Variants in ENTPD3 observed in about 807,000 individuals in gnomAD.
ENTPD3 encodes the protein CD39 antigen-like 3.
ENTPD3 carries 60 observed loss-of-function variants against 51.2 expected under a neutral mutation model. The observed-to-expected ratio is 1.17, with a 90% CI of 0.95 to 1.45. ENTPD3 has a LOEUF of 1.45. ENTPD3 is among the 40% of genes most tolerant of loss of function. The pLI, the probability that ENTPD3 is intolerant of heterozygous loss-of-function variation, is 0.00. For synonymous variants in ENTPD3, 221 were observed against 238.4 expected (o/e 0.93, Z 0.67); for missense variants, 593 against 641.1 (o/e 0.93, Z 0.81).
At chr3:40,425,969 C>T (rs1955973911) in intron 10 of ENTPD3, among the ~76,000 whole-genome samples, 1 of 151,150 alleles carries the variant, frequency 6.6e-6, no homozygotes, top group African/African-American at 2.4e-5. Flanking sequence ...AAAAAAACTC[C>T]ATTCATATGA....
chr3:40,394,048 CAAAAAAAAAAAAAAAAA>C (rs559701033), intron 3 of ENTPD3, among the ~76,000 whole-genome samples: 1 of 64,416 alleles, frequency 1.6e-5, no homozygotes, highest in South Asian at 1.0e-3. Context: ...GACTCTGTCT[CAAAAAAAAAAAAAAAAA>C]AAAAAAAAAG....
chr3:40,412,471 T>C (rs904372990), intron 5 of ENTPD3, among the ~76,000 whole-genome samples: 9 of 152,232 alleles, frequency 5.9e-5, no homozygotes, highest in African/African-American at 2.2e-4. Flanking sequence ...ATTAGTTCCT[T>C]CTAAATTTGT....
chr3:40,399,104 C>T (rs991182280), intron 3 of ENTPD3, among the ~76,000 whole-genome samples: 1 of 152,072 alleles, frequency 6.6e-6, no homozygotes, highest in African/African-American at 2.4e-5. Context: ...CACCTGTAAT[C>T]CCAGCTACTC....
intron 2 of ENTPD3, among the ~76,000 whole-genome samples, chr3:40,389,159 T>C (rs1344257189): frequency 6.6e-6 from 1 of 152,242 alleles, no homozygotes; most frequent in Admixed American, 6.5e-5. Context: ...ACGTCACTCA[T>C]ACAGACTAAC....
chr3:40,387,922 T>C (rs1954974447), intron 1 of ENTPD3, 124 bp from the exon 2 acceptor site: 1 of 709,668 alleles, frequency 1.4e-6, no homozygotes, highest in African/African-American at 1.8e-5. Context: ...CGGCTTACCT[T>C]TCCCGGGATG....
intron 5 of ENTPD3, 90 bp downstream of exon 5, chr3:40,412,052 A>G (rs1207441003): frequency 7.0e-6 from 9 of 1,285,638 alleles, no homozygotes. Context: ...TATTTCTGGG[A>G]ACAACCCTCG....
chr3:40,396,815 G>A (rs1955212782), intron 3 of ENTPD3, among the ~76,000 whole-genome samples: 1 of 152,074 alleles, frequency 6.6e-6, no homozygotes. Flanking sequence ...ACTGCCTCTT[G>A]CAGCCATGTG....
In ENTPD3 at chr3:40,428,189, C is replaced by T. The variant is rs1243174936; in HGVS notation, c.*681C>T. 3 of 152,926 alleles carry T rather than the reference C, an allele frequency of 2.0e-5. No homozygotes were observed. Among genetic ancestry groups the T allele is most frequent in the African/African-American group, 7.2e-5 (3 of 41,438 alleles). 9.5% of individuals were successfully genotyped at this position (152,926 alleles called of 1,614,324 possible). ...ACTAGATTGCAACCTGTGTGTTTGT[C>T]ATCATCCTCATCTCACCATTGTATT... On this transcript the variant is annotated 3_prime_UTR_variant, in exon 11 of 11. Transcript: ENST00000301825.
chr3:40,399,430 A>G (rs1189743690), intron 3 of ENTPD3: 1 of 152,176 alleles, frequency 6.6e-6, no homozygotes, highest in Non-Finnish European at 1.5e-5. Context: ...TCTGCAAGTA[A>G]GTCCTCTAAA....
intron 7 of ENTPD3, among the ~76,000 whole-genome samples, chr3:40,418,269 T>A (rs553685883): frequency 1.3e-5 from 2 of 152,276 alleles, no homozygotes; most frequent in South Asian, 4.2e-4. Context: ...GAGACCCAGA[T>A]GAGATGAGGA....
In ENTPD3 at chr3:40,416,956, C is replaced by T. The variant is rs544155031; in HGVS notation, c.831+883C>T. On this transcript the variant is annotated intron_variant, in intron 7 of 10. Transcript: ENST00000301825. ...AACTGAAGACAGGAACAGACTCTAT[C>T]CTGCAGAGGAGTTGAAGGGATCACA... 6.0e-5 allele frequency among the ~76,000 whole-genome samples: 9 copies of T among 151,234 alleles called. No individual in the cohort carries two copies. The East Asian group carries it at 9.7e-4, about 16-fold the overall frequency.
chr3:40,401,622 G>C (rs560741462), intron 4 of ENTPD3, among the ~76,000 whole-genome samples: 1 of 152,320 alleles, frequency 6.6e-6, no homozygotes, highest in East Asian at 1.9e-4. Context: ...GACAGAGAAT[G>C]ACAATATGTA....
intron 10 of ENTPD3, chr3:40,424,172 T>C: frequency 3.0e-6 from 3 of 985,376 alleles, no homozygotes; most frequent in Non-Finnish European, 3.6e-6. Context: ...TGGAAAAGAC[T>C]GGAAGCCAAG....
Position 40,411,827 on chromosome 3 carries a change from G to C in ENTPD3, c.302G>C (p.Ser101Thr), listed in dbSNP as rs916001848. The C allele has an allele frequency of 1.1e-5, 17 of 1,583,506 alleles. No homozygotes were observed. Among genetic ancestry groups the C allele is most frequent in the Non-Finnish European group, 1.5e-5 (17 of 1,165,110 alleles). The change falls in exon 5 of 11, where the codon AGC becomes ACC. Residue 101 changes from serine to threonine, a missense_variant. Physicochemically the swap from Ser to Thr is moderately conservative, Grantham distance 58 (BLOSUM62 1). Transcript: ENST00000301825. Reference protein sequence around the residue: ...KCSVKGSGISSYGNNPQDVPR... With the variant: ...KCSVKGSGISTYGNNPQDVPR... ...TGCTTTTCAGGCTCTGGAATCTCCA[G>C]CTATGGAAATAACCCCCAAGATGTC...
At chr3:40,418,058 T>C (rs2125607489) in intron 7 of ENTPD3, among the ~76,000 whole-genome samples, 1 of 152,316 alleles carries the variant, frequency 6.6e-6, no homozygotes, top group South Asian at 2.1e-4. Flanking sequence ...AAGTAAATAC[T>C]TCACCTTTCT....
At chr3:40,424,916 T>A (rs887833916) in intron 10 of ENTPD3, 18 of 642,076 alleles carry the variant, frequency 2.8e-5, no homozygotes, top group African/African-American at 2.7e-4. Context: ...TACAAAAAAA[T>A]AAGGATGTCT....
intron 4 of ENTPD3, among the ~76,000 whole-genome samples, chr3:40,401,601 A>C (rs934527453): frequency 6.6e-6 from 1 of 152,228 alleles, no homozygotes; most frequent in Admixed American, 6.5e-5. Context: ...CTGTGTATTG[A>C]TGGCGAGGCA....
intron 10 of ENTPD3, 64 bp downstream of exon 10, chr3:40,424,027 G>C: frequency 6.2e-7 from 1 of 1,608,090 alleles, no homozygotes; most frequent in Non-Finnish European, 8.5e-7. Context: ...TGTGTGTGTG[G>C]AACAAATGTA....
intron 2 of ENTPD3, among the ~76,000 whole-genome samples, chr3:40,388,862 C>G (rs1444891145): frequency 6.6e-6 from 1 of 152,128 alleles, no homozygotes; most frequent in East Asian, 1.9e-4. Context: ...GTAATCATAG[C>G]TTTTTACTTG....
Sources: allele counts gnomAD v4.1 joint callset (sites outside exome capture counted in the v4.1 genomes callset), GRCh38; gene constraint gnomAD v4.1.1; transcripts MANE v1.5; gene names NCBI Gene and HGNC (gene_info 2026-07-23, HGNC 2026-07-21).